The following SOX5 variants were observed in gnomAD, a reference collection of about 807,000 sequenced individuals.
SOX5 encodes SRY-box transcription factor 5.
In SOX5, 9 loss-of-function variants were observed where a neutral mutation model predicts 92.0. That is an observed-to-expected ratio of 0.10 (90% confidence interval 0.06 to 0.17). The LOEUF (loss-of-function observed/expected upper bound fraction) is 0.17, where lower values mean the gene tolerates loss of function less well. Ranked by LOEUF, SOX5 falls within the 10% of genes least tolerant of loss-of-function variation. SOX5 has a pLI of 1.00. For synonymous variants in SOX5, 344 were observed against 336.3 expected, an observed-to-expected ratio of 1.02 and a Z score of -0.25; for missense variants, 642 against 944.5, an observed-to-expected ratio of 0.68 and a Z score of 4.20.
Position 24,357,773 on chromosome 12 carries a change from G to A in SOX5, c.-174+10790C>T, listed in dbSNP as rs189006002. On this transcript the variant is annotated intron_variant, in intron 2 of 4. Coordinates refer to the SOX5 transcript ENST00000446891. ...AGAGAATTGCTTGAACCTGGGAGGC[G>A]GAGGTTGCAGTGAGGGTAGATTGTG... Among the ~76,000 whole-genome samples the A allele has an allele frequency of 1.8e-4, 27 of 151,230 alleles. No homozygotes were observed. In the South Asian group the frequency reaches 2.3e-3, roughly 13 times the overall value.
At chr12:24,104,485 T>C (rs546292027) in intron 4 of SOX5, among the ~76,000 whole-genome samples, 1 of 152,338 alleles carries the variant, frequency 6.6e-6, no homozygotes, top group African/African-American at 2.4e-5. Flanking sequence ...TCTAAAAATT[T>C]ACTATAAAAT....
At chr12:23,983,892 A>G (rs1328322904) in intron 4 of SOX5, among the ~76,000 whole-genome samples, 1 of 152,190 alleles carries the variant, frequency 6.6e-6, no homozygotes, top group Non-Finnish European at 1.5e-5. Flanking sequence ...AACAAAAATT[A>G]AACATGAAGC....
At chr12:23,846,229 C>A (rs1568297409) in intron 2 of SOX5, 36 bp from the exon 3 acceptor site, 2 of 1,480,314 alleles carry the variant, frequency 1.4e-6, no homozygotes, top group Non-Finnish European at 9.4e-7. Context: ...TAATTGTTTA[C>A]CTGAAAGAGA....
intron 4 of SOX5, among the ~76,000 whole-genome samples, chr12:24,091,056 C>G (rs1422651305): frequency 6.6e-6 from 1 of 152,160 alleles, no homozygotes; most frequent in Non-Finnish European, 1.5e-5. Flanking sequence ...TTTTAAAGAA[C>G]AAAGCCCAAG....
At chr12:23,634,409 C>T (rs2078955014) in intron 8 of SOX5, among the ~76,000 whole-genome samples, 1 of 152,004 alleles carries the variant, frequency 6.6e-6, no homozygotes, top group African/African-American at 2.4e-5. Context: ...TAAGGTAGGC[C>T]TCAGAGAGAT....
chr12:24,347,889 G>A (rs188863170), intron 2 of SOX5, among the ~76,000 whole-genome samples: 1 of 152,106 alleles, frequency 6.6e-6, no homozygotes, highest in Admixed American at 6.5e-5. Flanking sequence ...TTGATGAACC[G>A]ACCTGGCCCC....
chr12:23,773,059 G>A (rs1306821943), intron 3 of SOX5, among the ~76,000 whole-genome samples: 1 of 152,048 alleles, frequency 6.6e-6, no homozygotes, highest in Non-Finnish European at 1.5e-5. Flanking sequence ...TTCTAATAAA[G>A]GAGTCAAATC....
At chr12:23,782,300 G>A (rs2095296702) in intron 3 of SOX5, among the ~76,000 whole-genome samples, 1 of 152,058 alleles carries the variant, frequency 6.6e-6, no homozygotes, top group South Asian at 2.1e-4. Flanking sequence ...CGTGTGATCT[G>A]TGTTTTCTCC....
rs1939429684 is a variant in SOX5 at position 23,533,102 on chromosome 12, G to A, written c.*1117C>T. On this transcript the variant is annotated 3_prime_UTR_variant, in exon 15 of 15. Coordinates refer to ENST00000451604, the MANE Select transcript of SOX5 (RefSeq NM_006940.6). ...AATATAATTTCTGAGCCCTATACTT[G>A]GTTAAGTTGTCATTTGAAGTGCAAA... 2.2e-6 allele frequency: 1 copy of A among 451,642 alleles called. No individual in the cohort carries two copies. The highest frequency in any genetic ancestry group is 1.6e-5 in the South Asian group (1 of 63,996). The allele number at this position is 451,642 out of a possible 1,614,324, so 28.0% of individuals were successfully genotyped here. A position where few individuals can be genotyped will look rare whatever the true frequency, so the allele number is the denominator to read the frequency against.
chr12:23,652,852 T>C (rs2081792770), intron 7 of SOX5, among the ~76,000 whole-genome samples: 2 of 152,150 alleles, frequency 1.3e-5, no homozygotes, highest in African/African-American at 4.8e-5. Context: ...TCCAGTAGCA[T>C]TCAATACAGG....
chr12:24,369,343 G>C (rs1485784959), intron 1 of SOX5, among the ~76,000 whole-genome samples: 2 of 152,092 alleles, frequency 1.3e-5, no homozygotes, highest in Non-Finnish European at 2.9e-5. Flanking sequence ...CCTCTCGAAG[G>C]GGCCAGAAAC....
intron 11 of SOX5, among the ~76,000 whole-genome samples, chr12:23,546,961 C>T (rs1565702333): frequency 1.3e-5 from 2 of 152,064 alleles, no homozygotes; most frequent in South Asian, 2.1e-4. Flanking sequence ...CTTGTCAAGT[C>T]TCTGTACATC....
chr12:23,542,128 A>G (rs1383800726), intron 13 of SOX5, among the ~76,000 whole-genome samples: 1 of 152,206 alleles, frequency 6.6e-6, no homozygotes, highest in Non-Finnish European at 1.5e-5. Flanking sequence ...AACCTCATGC[A>G]TATGTTTGCC....
chr12:24,410,948 T>C (rs1199412101), intron 1 of SOX5, among the ~76,000 whole-genome samples: 1 of 152,192 alleles, frequency 6.6e-6, no homozygotes, highest in Non-Finnish European at 1.5e-5. Flanking sequence ...TCCATGAACA[T>C]GATAGAGCTA....
At chr12:23,571,407 T>G (rs564755755) in intron 10 of SOX5, among the ~76,000 whole-genome samples, 5 of 152,258 alleles carry the variant, frequency 3.3e-5, no homozygotes, top group African/African-American at 1.2e-4. Context: ...CATTCCAATA[T>G]GTCCCAAAGA....
At chr12:24,442,614 G>A (rs1273532383) in intron 1 of SOX5, among the ~76,000 whole-genome samples, 3 of 152,212 alleles carry the variant, frequency 2.0e-5, no homozygotes, top group Non-Finnish European at 2.9e-5. Context: ...ACAAAACTAG[G>A]AGGTGGTAAG....
intron 3 of SOX5, among the ~76,000 whole-genome samples, chr12:23,789,552 A>G (rs185157921): frequency 4.6e-5 from 7 of 152,244 alleles, no homozygotes; most frequent in South Asian, 2.1e-4. Context: ...GGTCTCACGG[A>G]AAATATTAAC....
intron 3 of SOX5, among the ~76,000 whole-genome samples, chr12:23,816,085 C>A (rs923844051): frequency 9.2e-5 from 14 of 151,854 alleles, no homozygotes; most frequent in Admixed American, 8.5e-4. Context: ...AATGGAAGAA[C>A]ATTCTTAGTT....
chr12:23,801,774 G>A (rs1426148215), intron 3 of SOX5, among the ~76,000 whole-genome samples: 1 of 152,184 alleles, frequency 6.6e-6, no homozygotes, highest in East Asian at 1.9e-4. Context: ...GACTTCAGAT[G>A]TAAATTTTAT....
Sources: gnomAD v4.1 joint callset for allele counts (sites outside exome capture counted in the v4.1 genomes callset) on GRCh38, gnomAD v4.1.1 for gene constraint, MANE v1.5 for transcripts, NCBI Gene and HGNC (gene_info 2026-07-23, HGNC 2026-07-21) for gene names.